Variants in ARHGAP6 observed in about 807,000 individuals in gnomAD.
ARHGAP6 encodes Rho GTPase activating protein 6.
In ARHGAP6, 16 loss-of-function variants were observed where a neutral mutation model predicts 55.7. The observed-to-expected ratio is 0.29, with a 90% CI of 0.19 to 0.44. ARHGAP6 has a LOEUF of 0.44. Ranked by LOEUF, ARHGAP6 falls within the 20% of genes least tolerant of loss-of-function variation. ARHGAP6 has a pLI of 1.00. For missense variants in ARHGAP6, 698 were observed against 808.9 expected, an observed-to-expected ratio of 0.86 and a Z score of 1.66; for synonymous variants, 382 against 360.9, an observed-to-expected ratio of 1.06 and a Z score of -0.66.
At chrX:11,157,371 T>G (rs1201585814) in intron 9 of ARHGAP6, among the ~76,000 whole-genome samples, 1 of 112,598 alleles carries the variant, frequency 8.9e-6, no homozygotes, top group African/African-American at 3.2e-5. Flanking sequence ...ACTCCTTTCT[T>G]GCACCTGGTC....
intron 1 of ARHGAP6, among the ~76,000 whole-genome samples, chrX:11,359,090 T>C (rs1194131608): frequency 8.9e-6 from 1 of 112,147 alleles, no homozygotes; most frequent in African/African-American, 3.2e-5. Flanking sequence ...TATAATATTA[T>C]CTGTTATGGC....
chrX:11,454,958 T>C (rs201343710), intron 1 of ARHGAP6, among the ~76,000 whole-genome samples: 3 of 112,333 alleles, frequency 2.7e-5, no homozygotes, highest in Admixed American at 1.9e-4. Context: ...ACAAAACATA[T>C]TTTTTTCAAG....
intron 1 of ARHGAP6, among the ~76,000 whole-genome samples, chrX:11,363,203 C>G (rs2049034111): frequency 8.9e-6 from 1 of 112,127 alleles, no homozygotes; most frequent in African/African-American, 3.2e-5. Flanking sequence ...GGAAGTGAAA[C>G]TTCTAGAGTC....
intron 1 of ARHGAP6, among the ~76,000 whole-genome samples, chrX:11,533,867 T>C (rs2051076634): frequency 1.8e-5 from 2 of 112,302 alleles, no homozygotes; most frequent in Non-Finnish European, 3.8e-5. Context: ...ACATTGTGTA[T>C]CCTTGACAAA....
chrX:11,248,836 A>T (rs1371737245), intron 2 of ARHGAP6, among the ~76,000 whole-genome samples: 1 of 112,059 alleles, frequency 8.9e-6, no homozygotes, highest in East Asian at 2.8e-4. Context: ...AAACTAGTAC[A>T]GCTGCTATAG....
In ARHGAP6 at chrX:11,539,710, C is replaced by T. The variant is rs1427868973; in HGVS notation, c.588+124531G>A. On this transcript the variant is annotated intron_variant, in intron 1 of 12. Coordinates refer to ENST00000337414, the MANE Select transcript of ARHGAP6 (RefSeq NM_013427.3). ...TAAATGTTAGTGGAGTGCCTAACTA[C>T]GGCCTCCCACTGTTTTAGGAGGGGT... 4.5e-5 allele frequency among the ~76,000 whole-genome samples: 5 copies of T among 111,628 alleles called. No homozygotes were observed. In the East Asian group the frequency reaches 8.4e-4, roughly 19 times the overall value.
chrX:11,580,151 T>TAAAC (rs1301230364), intron 1 of ARHGAP6, among the ~76,000 whole-genome samples: 2 of 111,990 alleles, frequency 1.8e-5, no homozygotes, highest in Admixed American at 1.9e-4. Context: ...CTACCAAAAC[T>TAAAC]AAACAAACAA....
chrX:11,328,420 ACATGGCT>A (rs1248061406), intron 1 of ARHGAP6, among the ~76,000 whole-genome samples: 1 of 112,167 alleles, frequency 8.9e-6, no homozygotes, highest in Non-Finnish European at 1.9e-5. Flanking sequence ...CGAGTTACCT[ACATGGCT>A]CACTTTTAAA....
At chrX:11,493,006 G>A (rs545730258) in intron 1 of ARHGAP6, among the ~76,000 whole-genome samples, 29 of 111,907 alleles carry the variant, frequency 2.6e-4, no homozygotes, top group African/African-American at 9.4e-4. Flanking sequence ...CAAAGCCAGT[G>A]TCATCTTGGG....
intron 1 of ARHGAP6, among the ~76,000 whole-genome samples, chrX:11,642,937 A>G (rs890818700): frequency 1.8e-5 from 2 of 111,868 alleles, no homozygotes; most frequent in Non-Finnish European, 3.8e-5. Flanking sequence ...AATAATGGGT[A>G]TAACTGAAAT....
chrX:11,199,858 T>C (rs768366956), intron 2 of ARHGAP6, among the ~76,000 whole-genome samples: 22 of 112,656 alleles, frequency 2.0e-4, no homozygotes, highest in Non-Finnish European at 3.9e-4. Context: ...AGCATTGCTT[T>C]AGCACACCAT....
At chrX:11,638,452 C>T (rs1315424376) in intron 1 of ARHGAP6, among the ~76,000 whole-genome samples, 2 of 111,925 alleles carry the variant, frequency 1.8e-5, no homozygotes, top group Non-Finnish European at 3.8e-5. Context: ...CCACAAGACA[C>T]ACAACTAATT....
intron 1 of ARHGAP6, among the ~76,000 whole-genome samples, chrX:11,337,415 G>T (rs747937436): frequency 1.8e-5 from 2 of 111,737 alleles, no homozygotes; most frequent in East Asian, 5.6e-4. Context: ...GTGTTCAAGA[G>T]CTATCTCCAC....
chrX:11,150,454 A>C lies in ARHGAP6; in HGVS notation c.1907+6075T>G, dbSNP rs758225979. 8.0e-5 allele frequency among the ~76,000 whole-genome samples: 9 copies of C among 111,818 alleles called. No homozygotes were observed. In the East Asian group the frequency reaches 2.5e-3, roughly 31 times the overall value. On this transcript the variant is annotated intron_variant, in intron 10 of 12. Transcript: ENST00000337414. ...TTTTTTTTTCCCAGAACATCAAAGC[A>C]GTTGAAAAAATTGAAAAATTGAAAA...
chrX:11,275,187 C>T (rs2047742281), intron 1 of ARHGAP6, among the ~76,000 whole-genome samples: 1 of 111,465 alleles, frequency 9.0e-6, no homozygotes, highest in Non-Finnish European at 1.9e-5. Flanking sequence ...CTATATGTAT[C>T]TCTTGACTAT....
intron 1 of ARHGAP6, among the ~76,000 whole-genome samples, chrX:11,447,812 C>A (rs2050106722): frequency 8.9e-6 from 1 of 112,466 alleles, no homozygotes; most frequent in Non-Finnish European, 1.9e-5. Flanking sequence ...ATGCTGGCTC[C>A]ACAAATTTTT....
chrX:11,548,893 G>A (rs1852894779), intron 1 of ARHGAP6, among the ~76,000 whole-genome samples: 1 of 112,258 alleles, frequency 8.9e-6, no homozygotes, highest in African/African-American at 3.2e-5. Context: ...ACGGGCATGA[G>A]CCACTGTGCC....
chrX:11,256,383 C>T (rs1278772172), intron 1 of ARHGAP6, among the ~76,000 whole-genome samples: 1 of 111,427 alleles, frequency 9.0e-6, no homozygotes, highest in Non-Finnish European at 1.9e-5. Context: ...GAGCAAAACT[C>T]TGTCTTAAAA....
At chrX:11,594,455 G>C (rs745759503) in intron 1 of ARHGAP6, among the ~76,000 whole-genome samples, 13 of 111,374 alleles carry the variant, frequency 1.2e-4, no homozygotes, top group Non-Finnish European at 2.3e-4. Flanking sequence ...TCTAATTCAG[G>C]GGTCATCAGC....
Sources: allele counts gnomAD v4.1 joint callset (sites outside exome capture counted in the v4.1 genomes callset), GRCh38; gene constraint gnomAD v4.1.1; transcripts MANE v1.5; gene names NCBI Gene and HGNC (gene_info 2026-07-23, HGNC 2026-07-21).